PIK3CA: variants seen among roughly 807,000 people sequenced by gnomAD.
The protein encoded by PIK3CA is phosphatidylinositol 4,5-bisphosphate 3-kinase catalytic subunit alpha isoform.
PIK3CA carries 27 observed loss-of-function variants against 138.2 expected under a neutral mutation model. The ratio of observed to expected loss-of-function variants is 0.20; its 90% CI spans 0.14 to 0.27. The LOEUF is 0.27. Among genes scored for constraint, PIK3CA ranks in the 10% least tolerant of loss-of-function variants. The probability of loss-of-function intolerance (pLI) is 1.00; values close to 1 mark genes in which losing one functional copy is unlikely to be tolerated. For missense variants in PIK3CA, 544 were observed against 1,277.4 expected (o/e 0.43, Z 8.75); for synonymous variants, 358 against 413.2 (o/e 0.87, Z 1.62).
At chr3:179,156,079 C>CA (rs1560121549) in intron 1 of PIK3CA, among the ~76,000 whole-genome samples, 1 of 152,126 alleles carries the variant, frequency 6.6e-6, no homozygotes, top group Admixed American at 6.5e-5. Flanking sequence ...AGAGAGAAGA[C>CA]AGTCTAGCTC....
At chr3:179,206,316 C>T (rs1724560120) in intron 6 of PIK3CA, among the ~76,000 whole-genome samples, 1 of 152,084 alleles carries the variant, frequency 6.6e-6, no homozygotes, top group Admixed American at 6.5e-5. Flanking sequence ...ACCTTGGCCT[C>T]CCAAAGTGCT....
intron 9 of PIK3CA, among the ~76,000 whole-genome samples, chr3:179,212,263 C>T (rs574234556): frequency 6.6e-6 from 1 of 151,046 alleles, no homozygotes; most frequent in Admixed American, 6.6e-5. Context: ...CCGCCTCGGC[C>T]TCCCAAAGTG....
chr3:179,227,056 C>T (rs1487425021), intron 17 of PIK3CA, among the ~76,000 whole-genome samples: 1 of 151,948 alleles, frequency 6.6e-6, no homozygotes, highest in Non-Finnish European at 1.5e-5. Context: ...CCGTGTAACG[C>T]TGGTTAATTA....
At chr3:179,213,927 T>G (rs1055375613) in intron 9 of PIK3CA, among the ~76,000 whole-genome samples, 3 of 152,362 alleles carry the variant, frequency 2.0e-5, no homozygotes, top group Non-Finnish European at 4.4e-5. Flanking sequence ...GCTTCACAGC[T>G]TCTTTTTTAA....
chr3:179,195,510 T>C (rs922059295), intron 1 of PIK3CA, among the ~76,000 whole-genome samples: 3 of 151,830 alleles, frequency 2.0e-5, no homozygotes, highest in East Asian at 3.9e-4. Context: ...ATGGGAAAAA[T>C]GAGATTCATT....
intron 1 of PIK3CA, among the ~76,000 whole-genome samples, chr3:179,181,019 CTA>C (rs2108370475): frequency 6.6e-6 from 1 of 152,038 alleles, no homozygotes; most frequent in Admixed American, 6.5e-5. Context: ...GTGTGTGTCT[CTA>C]TGTGTGTGTA....
At chr3:179,222,897 G>T (rs1446933056) in intron 14 of PIK3CA, among the ~76,000 whole-genome samples, 1 of 152,176 alleles carries the variant, frequency 6.6e-6, no homozygotes, top group South Asian at 2.1e-4. Context: ...ATTGTAAGTT[G>T]GAGACCATCT....
chr3:179,206,172 C>T (rs931381792), intron 6 of PIK3CA, among the ~76,000 whole-genome samples: 1 of 150,306 alleles, frequency 6.7e-6, no homozygotes, highest in African/African-American at 2.5e-5. Flanking sequence ...ATTCTCCTGC[C>T]TCAGCCTCCC....
chr3:179,186,988 T>G (rs1723998039), intron 1 of PIK3CA, among the ~76,000 whole-genome samples: 1 of 152,182 alleles, frequency 6.6e-6, no homozygotes, highest in Non-Finnish European at 1.5e-5. Context: ...TAGGATTGTT[T>G]CTCTCTTTAT....
chr3:179,189,245 C>T (rs1724067763), intron 1 of PIK3CA, among the ~76,000 whole-genome samples: 1 of 151,922 alleles, frequency 6.6e-6, no homozygotes, highest in Admixed American at 6.6e-5. Context: ...AAATAAAATT[C>T]AAATTGAAAA....
At chr3:179,169,695 A>T (rs1291131094) in intron 1 of PIK3CA, among the ~76,000 whole-genome samples, 1 of 152,126 alleles carries the variant, frequency 6.6e-6, no homozygotes, top group Non-Finnish European at 1.5e-5. Flanking sequence ...TTCTATTTTT[A>T]TAACTAAGGA....
In PIK3CA at chr3:179,237,410, T is replaced by A. The variant is rs1343251320; in HGVS notation, c.*3046T>A. 1.5e-5 allele frequency: 3 copies of A among 196,698 alleles called. No individual in the cohort carries two copies. The highest frequency in any genetic ancestry group is 3.2e-5 in the Non-Finnish European group (3 of 94,856). The allele number at this position is 196,698 out of a possible 1,614,324, so 12.2% of individuals were successfully genotyped here. On this transcript the variant is annotated 3_prime_UTR_variant, in exon 21 of 21. Coordinates refer to ENST00000263967, the MANE Select transcript of PIK3CA (RefSeq NM_006218.4). ...AAATGGGAACCTGGTGAATATATAA[T>A]GAATTGTAAAATATTTTAATGTGTA... is the stretch of plus-strand genomic sequence containing the variant.
At chr3:179,229,556 G>A (rs1725165516) in intron 18 of PIK3CA, 114 bp downstream of exon 18, 5 of 648,510 alleles carry the variant, frequency 7.7e-6, no homozygotes, top group Non-Finnish European at 1.2e-5. Flanking sequence ...ACTTTCTATG[G>A]AAAAAAATAT....
chr3:179,176,084 G>T (rs1349288549), intron 1 of PIK3CA, among the ~76,000 whole-genome samples: 1 of 152,002 alleles, frequency 6.6e-6, no homozygotes, highest in Non-Finnish European at 1.5e-5. Flanking sequence ...CTCTGTGGGG[G>T]CTGCTTATGT....
intron 14 of PIK3CA, among the ~76,000 whole-genome samples, chr3:179,222,841 G>A (rs1725000252): frequency 2.0e-5 from 3 of 152,200 alleles, no homozygotes; most frequent in African/African-American, 7.2e-5. Context: ...CTGAATGCAT[G>A]TTGCTTTCAC....
rs1724340524 is a variant in PIK3CA at position 179,199,061 on chromosome 3, G to A, written c.236G>A (p.Arg79Lys). 2.5e-6 allele frequency: 4 copies of A among 1,613,684 alleles called. No individual in the cohort carries two copies. The highest frequency in any genetic ancestry group is 3.4e-6 in the Non-Finnish European group (4 of 1,179,862). ...GTAAGTGTTACTCAAGAAGCAGAAA[G>A]GGAAGAATTTTTTGATGAAACAAGA... The part of the protein sequence containing the change: ...IFVSVTQEAE[R>K]EEFFDETRRL... Residue 79 changes from arginine (R) to lysine (K), a missense_variant, in exon 2 of 21, where the codon AGG (arginine) becomes AAG (lysine). Transcript: ENST00000263967.
At chr3:179,213,699 C>A (rs1351209439) in intron 9 of PIK3CA, among the ~76,000 whole-genome samples, 1 of 152,256 alleles carries the variant, frequency 6.6e-6, no homozygotes, top group Non-Finnish European at 1.5e-5. Context: ...TTACAGTTAA[C>A]CAGCTGCATT....
intron 14 of PIK3CA, 81 bp from the exon 15 acceptor site, chr3:179,224,000 C>T: frequency 2.6e-6 from 2 of 764,762 alleles, no homozygotes; most frequent in East Asian, 2.5e-5. Flanking sequence ...CTGAGGTTCT[C>T]ATGTGAGAAA....
At chr3:179,166,979 C>G (rs1439760566) in intron 1 of PIK3CA, among the ~76,000 whole-genome samples, 1 of 152,102 alleles carries the variant, frequency 6.6e-6, no homozygotes, top group East Asian at 1.9e-4. Flanking sequence ...ACCCAGCTGT[C>G]AGCTTTTTAC....
Sources: allele counts gnomAD v4.1 joint callset (sites outside exome capture counted in the v4.1 genomes callset), GRCh38; gene constraint gnomAD v4.1.1; transcripts MANE v1.5; gene names NCBI Gene and HGNC (gene_info 2026-07-23, HGNC 2026-07-21).